UBE2E2: variants seen among roughly 807,000 people sequenced by gnomAD.
The protein encoded by UBE2E2 is ubiquitin-conjugating enzyme E2 E2.
Under a neutral mutation model 24.7 loss-of-function variants are expected in UBE2E2, and 6 were observed. The observed-to-expected ratio is 0.24, with a 90% CI of 0.13 to 0.48. The LOEUF is 0.48. Ranked by LOEUF, UBE2E2 falls within the 20% of genes least tolerant of loss-of-function variation. UBE2E2 has a pLI of 0.99. For missense variants in UBE2E2, 169 were observed against 245.0 expected, an observed-to-expected ratio of 0.69 and a Z score of 2.07; for synonymous variants, 104 against 83.6, an observed-to-expected ratio of 1.24 and a Z score of -1.33.
At position 23,212,605 on chromosome 3, in the gene UBE2E2, T is replaced by C. The variant is rs181025762; in HGVS notation, c.176+3730T>C. ...ATGATACTGTTCGAGGTATGGTTTT[T>C]GGTTTCAGACTAAATTTTTGTTAGG... On this transcript the variant is annotated intron_variant, in intron 2 of 5. Transcript: ENST00000396703. Among the ~76,000 whole-genome samples the C allele has an allele frequency of 1.8e-3, 138 of 78,852 alleles. 2 individuals carry two copies. Among genetic ancestry groups the C allele is most frequent in the Admixed American group, 0.012 (138 of 11,108 alleles). The allele number at this position is 78,852 out of a possible 152,430, so 51.7% of individuals were successfully genotyped here. A position where few individuals can be genotyped will look rare whatever the true frequency, so the allele number is the denominator to read the frequency against.
intron 5 of UBE2E2, among the ~76,000 whole-genome samples, chr3:23,548,717 A>G (rs1695577125): frequency 6.6e-6 from 1 of 152,074 alleles, no homozygotes; most frequent in Non-Finnish European, 1.5e-5. Flanking sequence ...ACTTCATTTA[A>G]CCTTGCTTGC....
intron 3 of UBE2E2, among the ~76,000 whole-genome samples, chr3:23,435,643 G>A (rs1406807413): frequency 1.3e-5 from 2 of 152,206 alleles, no homozygotes; most frequent in East Asian, 3.9e-4. Flanking sequence ...AGTATCAAGA[G>A]GGTGGGGGTA....
chr3:23,425,823 T>C (rs1250503744), intron 3 of UBE2E2, among the ~76,000 whole-genome samples: 3 of 152,026 alleles, frequency 2.0e-5, no homozygotes, highest in Non-Finnish European at 4.4e-5. Flanking sequence ...TTTTACCCAA[T>C]TCACCATGTC....
intron 3 of UBE2E2, among the ~76,000 whole-genome samples, chr3:23,244,088 T>C (rs898048042): frequency 2.0e-5 from 3 of 151,578 alleles, no homozygotes; most frequent in African/African-American, 4.8e-5. Flanking sequence ...AGAATATCAA[T>C]TAAGGGTGAT....
At chr3:23,376,432 C>G (rs6784195) in intron 3 of UBE2E2, among the ~76,000 whole-genome samples, 54,170 of 152,116 alleles carry the variant, frequency 0.36, 10,881 homozygotes, top group Admixed American at 0.53. Flanking sequence ...ACAGATCTCA[C>G]AGGGAGTATA....
chr3:23,385,614 T>C (rs1696789861), intron 3 of UBE2E2, among the ~76,000 whole-genome samples: 1 of 152,232 alleles, frequency 6.6e-6, no homozygotes, highest in South Asian at 2.1e-4. Flanking sequence ...ATATGATCTT[T>C]AGCAGAGCCA....
intron 4 of UBE2E2, among the ~76,000 whole-genome samples, chr3:23,531,601 A>C (rs959439596): frequency 6.6e-6 from 1 of 152,112 alleles, no homozygotes; most frequent in African/African-American, 2.4e-5. Context: ...GGATGCACTA[A>C]TATTACGTTT....
chr3:23,484,204 A>C (rs186405382), intron 3 of UBE2E2, among the ~76,000 whole-genome samples: 25 of 152,192 alleles, frequency 1.6e-4, no homozygotes, highest in Admixed American at 1.6e-3. Flanking sequence ...TTATCTCCCT[A>C]TACCAGTTAA....
chr3:23,355,847 G>A (rs889216296), intron 3 of UBE2E2, among the ~76,000 whole-genome samples: 13 of 152,210 alleles, frequency 8.5e-5, no homozygotes, highest in African/African-American at 3.1e-4. Context: ...ATATAAAGCA[G>A]TCTATGCAGT....
intron 3 of UBE2E2, among the ~76,000 whole-genome samples, chr3:23,372,901 T>C (rs1696431911): frequency 6.6e-6 from 1 of 152,210 alleles, no homozygotes; most frequent in Non-Finnish European, 1.5e-5. Flanking sequence ...GTACTTCTTT[T>C]GTCTCTCCCA....
In UBE2E2 at chr3:23,253,688, A is replaced by G. The variant is rs1033062049; in HGVS notation, c.227+36376A>G. 6.6e-5 allele frequency among the ~76,000 whole-genome samples: 10 copies of G among 152,354 alleles called. No individual in the cohort carries two copies. In the East Asian group the frequency reaches 1.9e-3, roughly 29 times the overall value. On this transcript the variant is annotated intron_variant, in intron 3 of 5. Coordinates refer to ENST00000396703, the MANE Select transcript of UBE2E2 (RefSeq NM_152653.4). The stretch of plus-strand genomic sequence containing the variant: ...AACAATGAAAATGTGGAAGTGAACA[A>G]TATTATGTGAAGAGAAATAGCTGAG...
chr3:23,359,351 C>A (rs1696050632), intron 3 of UBE2E2, among the ~76,000 whole-genome samples: 2 of 152,180 alleles, frequency 1.3e-5, no homozygotes, highest in Admixed American at 1.3e-4. Context: ...ACTAGGCCTT[C>A]ATAAGCAGTG....
chr3:23,539,077 T>C (rs143197271), intron 5 of UBE2E2, among the ~76,000 whole-genome samples: 11 of 152,304 alleles, frequency 7.2e-5, no homozygotes, highest in Non-Finnish European at 1.6e-4. Flanking sequence ...GTCAAAAGGA[T>C]TCATCCTCTT....
At chr3:23,275,005 T>G (rs1385934875) in intron 3 of UBE2E2, among the ~76,000 whole-genome samples, 1 of 152,208 alleles carries the variant, frequency 6.6e-6, no homozygotes, top group Non-Finnish European at 1.5e-5. Context: ...AATAACTTTT[T>G]GAGGAAGTTG....
chr3:23,378,551 G>A (rs183443001), intron 3 of UBE2E2, among the ~76,000 whole-genome samples: 3 of 152,252 alleles, frequency 2.0e-5, no homozygotes, highest in African/African-American at 4.8e-5. Context: ...TGAGCTCTTG[G>A]TAGCACATGT....
intron 3 of UBE2E2, among the ~76,000 whole-genome samples, chr3:23,354,095 T>C (rs546077643): frequency 9.5e-4 from 145 of 152,196 alleles, no homozygotes; most frequent in African/African-American, 3.3e-3. Context: ...TATCTACAAC[T>C]ATCTGATCTT....
intron 3 of UBE2E2, among the ~76,000 whole-genome samples, chr3:23,236,288 C>T (rs907387746): frequency 2.0e-5 from 3 of 151,986 alleles, no homozygotes; most frequent in African/African-American, 7.3e-5. Flanking sequence ...TAAATAAAGA[C>T]TATTTAGTGG....
chr3:23,566,580 G>A (rs749172929), intron 5 of UBE2E2, among the ~76,000 whole-genome samples: 6 of 152,182 alleles, frequency 3.9e-5, no homozygotes, highest in Non-Finnish European at 7.3e-5. Flanking sequence ...TTCTGGAAGG[G>A]CCTCAGGAAG....
At chr3:23,236,366 A>C (rs1697113150) in intron 3 of UBE2E2, among the ~76,000 whole-genome samples, 1 of 151,966 alleles carries the variant, frequency 6.6e-6, no homozygotes, top group African/African-American at 2.4e-5. Flanking sequence ...ACTCAACCAG[A>C]CTCCATAATT....
Sources: gnomAD v4.1 joint callset for allele counts (sites outside exome capture counted in the v4.1 genomes callset) on GRCh38, gnomAD v4.1.1 for gene constraint, MANE v1.5 for transcripts, NCBI Gene and HGNC (gene_info 2026-07-23, HGNC 2026-07-21) for gene names.